Variants in CORIN observed in about 807,000 individuals in gnomAD.
CORIN encodes corin, serine peptidase.
In CORIN, 117 loss-of-function variants were observed where a neutral mutation model predicts 125.3. The observed-to-expected ratio is 0.93, with a 90% CI of 0.80 to 1.09. The LOEUF is 1.09. Among genes scored for constraint, CORIN ranks in the 50% least tolerant of loss-of-function variants. The pLI, the probability that CORIN is intolerant of heterozygous loss-of-function variation, is 0.00. For missense variants in CORIN, 1,253 were observed against 1,306.7 expected, an observed-to-expected ratio of 0.96 and a Z score of 0.63; for synonymous variants, 450 against 466.4, an observed-to-expected ratio of 0.96 and a Z score of 0.45.
chr4:47,702,243 T>C (rs1310669084), intron 5 of CORIN, among the ~76,000 whole-genome samples: 1 of 152,216 alleles, frequency 6.6e-6, no homozygotes, highest in African/African-American at 2.4e-5. Context: ...TGGAACAACA[T>C]ATAAACTACT....
chr4:47,799,361 T>C (rs1056211098), intron 2 of CORIN, among the ~76,000 whole-genome samples: 2 of 152,182 alleles, frequency 1.3e-5, no homozygotes, highest in African/African-American at 4.8e-5. Context: ...TCAAAAGTTT[T>C]TTCCACAGTG....
At chr4:47,691,104 CA>C (rs1218184076) in intron 6 of CORIN, among the ~76,000 whole-genome samples, 2 of 152,178 alleles carry the variant, frequency 1.3e-5, no homozygotes, top group Non-Finnish European at 1.5e-5. Flanking sequence ...TTAGCCCCTT[CA>C]AATTTAATGT....
intron 12 of CORIN, among the ~76,000 whole-genome samples, chr4:47,659,567 A>T (rs1577794203): frequency 6.6e-6 from 1 of 152,172 alleles, no homozygotes; most frequent in African/African-American, 2.4e-5. Flanking sequence ...AGCAAGAGAG[A>T]GAGTAGGGGA....
chr4:47,656,115 C>T (rs552134547), intron 12 of CORIN, among the ~76,000 whole-genome samples: 1 of 150,074 alleles, frequency 6.7e-6, no homozygotes, highest in East Asian at 2.0e-4. Flanking sequence ...CTGAATTCAA[C>T]AACACATTAA....
At chr4:47,792,586 C>T (rs185492616) in intron 2 of CORIN, among the ~76,000 whole-genome samples, 60 of 152,294 alleles carry the variant, frequency 3.9e-4, no homozygotes, top group African/African-American at 1.4e-3. Flanking sequence ...AACATATCCC[C>T]AACTGAATTG....
chr4:47,650,589 C>A (rs1723694083), intron 13 of CORIN, among the ~76,000 whole-genome samples: 1 of 152,202 alleles, frequency 6.6e-6, no homozygotes, highest in South Asian at 2.1e-4. Flanking sequence ...CTTAGCTCTC[C>A]TTTCTTTGAT....
rs536762622 is a variant in CORIN, at chr4:47,691,801, C to T, written c.913+1169G>A. Among the ~76,000 whole-genome samples, 4 of 151,900 alleles carry T rather than the reference C, an allele frequency of 2.6e-5. No homozygotes were observed. In the East Asian group the frequency reaches 7.8e-4, roughly 29 times the overall value. On this transcript the variant is annotated intron_variant, in intron 6 of 21. Coordinates refer to ENST00000273857, the MANE Select transcript of CORIN (RefSeq NM_006587.4). Reference sequence around the variant, plus strand: ...GAAACACCAGTTTGGGAAACACTGACCTGAAATGTTACCATGATAAACTGC... The same window carrying T: ...GAAACACCAGTTTGGGAAACACTGATCTGAAATGTTACCATGATAAACTGC...
intron 19 of CORIN, among the ~76,000 whole-genome samples, chr4:47,605,488 A>C (rs6832640): frequency 0.63 from 95,000 of 151,942 alleles, 30,608 homozygotes; most frequent in African/African-American, 0.77. Context: ...TGGTCAGGAT[A>C]AAAAATGTGG....
intron 5 of CORIN, among the ~76,000 whole-genome samples, chr4:47,709,333 G>A (rs1038253105): frequency 1.3e-4 from 20 of 151,362 alleles, no homozygotes; most frequent in Non-Finnish European, 2.1e-4. Flanking sequence ...TCCCTCTGTC[G>A]CCCATGCTTG....
chr4:47,760,172 C>A (rs1324886056), intron 4 of CORIN, among the ~76,000 whole-genome samples: 1 of 152,118 alleles, frequency 6.6e-6, no homozygotes, highest in Non-Finnish European at 1.5e-5. Flanking sequence ...AAATTATTCC[C>A]TGATTAATGG....
chr4:47,603,322 T>G, intron 20 of CORIN, 75 bp downstream of exon 20: 5 of 1,476,028 alleles, frequency 3.4e-6, no homozygotes, highest in Non-Finnish European at 4.6e-6. Flanking sequence ...CAATTAAACT[T>G]CTTTCCTTTA....
At chr4:47,664,919 G>T in intron 11 of CORIN, 113 bp downstream of exon 11, 1 of 616,502 alleles carries the variant, frequency 1.6e-6, no homozygotes, top group Non-Finnish European at 2.9e-6. Flanking sequence ...TAAAGTATTT[G>T]ATAAATGCAG....
Position 47,595,248 on chromosome 4 carries a change from A to G in CORIN, c.*473T>C, listed in dbSNP as rs551529792. ...AATAAAAAAGAATTGTGGGGTATAA[A>G]AAAAGAAAAAGAAAAGCAAGTCTCC... On this transcript the variant is annotated 3_prime_UTR_variant, in exon 22 of 22. Coordinates refer to ENST00000273857, the MANE Select transcript of CORIN (RefSeq NM_006587.4). 6.6e-6 allele frequency: 1 copy of G among 152,466 alleles called. No homozygotes were observed. Among genetic ancestry groups the G allele is most frequent in the Non-Finnish European group, 1.5e-5 (1 of 68,136 alleles). The allele number at this position is 152,466 out of a possible 1,614,324, so 9.4% of individuals were successfully genotyped here.
chr4:47,627,071 C>A (rs1250864583), intron 16 of CORIN, among the ~76,000 whole-genome samples: 1 of 151,934 alleles, frequency 6.6e-6, no homozygotes, highest in African/African-American at 2.4e-5. Flanking sequence ...GCAACGTCTG[C>A]CTCAGGGTTC....
At position 47,661,834 on chromosome 4, in the gene CORIN, C is replaced by T. The variant is rs1204796980; in HGVS notation, c.1612G>A (p.Glu538Lys). 3 of 1,610,452 alleles carry T rather than the reference C, an allele frequency of 1.9e-6. No homozygotes were observed. The highest frequency in any genetic ancestry group is 3.3e-5 in the Admixed American group (2 of 59,850). ...ATCCCAAGAACAGACTCACAGCGTT[C>T]TTTAGAGTGTTCACACAATGCCCTA... ...PCRALCEHSK[E>K]RCESVLGIVG... The change falls in exon 12 of 22, where the codon GAA becomes AAA. Residue 538 changes from glutamate to lysine, a missense_variant. Physicochemically the swap from Glu to Lys is moderately conservative, Grantham distance 56. Coordinates refer to ENST00000273857, the MANE Select transcript of CORIN (RefSeq NM_006587.4).
intron 11 of CORIN, among the ~76,000 whole-genome samples, chr4:47,664,725 C>T (rs1439718925): frequency 6.6e-6 from 1 of 152,122 alleles, no homozygotes; most frequent in East Asian, 1.9e-4. Context: ...TTTATACTAT[C>T]ATACTTTTTT....
At chr4:47,597,798 T>G (rs1379467418) in intron 21 of CORIN, among the ~76,000 whole-genome samples, 1 of 152,204 alleles carries the variant, frequency 6.6e-6, no homozygotes, top group Admixed American at 6.5e-5. Flanking sequence ...TTATTTAGCA[T>G]CTACTCTTTG....
At chr4:47,713,977 T>A (rs922666943) in intron 5 of CORIN, among the ~76,000 whole-genome samples, 3 of 152,110 alleles carry the variant, frequency 2.0e-5, no homozygotes, top group African/African-American at 7.2e-5. Context: ...TATATTCAAA[T>A]GACTGAATTA....
At chr4:47,782,254 G>A (rs926009575) in intron 3 of CORIN, among the ~76,000 whole-genome samples, 9 of 151,280 alleles carry the variant, frequency 5.9e-5, no homozygotes, top group East Asian at 2.0e-4. Context: ...GCATAGTGGC[G>A]TGTGCTTGTA....
Sources: allele counts gnomAD v4.1 joint callset (sites outside exome capture counted in the v4.1 genomes callset), GRCh38; gene constraint gnomAD v4.1.1; transcripts MANE v1.5; gene names NCBI Gene and HGNC (gene_info 2026-07-23, HGNC 2026-07-21).